Variants in KCNN2 observed in about 807,000 individuals in gnomAD.
The protein encoded by KCNN2 is potassium calcium-activated channel subfamily N member 2, also known as small conductance calcium-activated potassium channel protein 2.
In KCNN2, 24 loss-of-function variants were observed where a neutral mutation model predicts 55.5. The ratio of observed to expected loss-of-function variants is 0.43; its 90% CI spans 0.31 to 0.61. The LOEUF (loss-of-function observed/expected upper bound fraction) is 0.61. KCNN2 is among the 20% of genes least tolerant of loss of function. The pLI, the probability that KCNN2 is intolerant of heterozygous loss-of-function variation, is 0.08. For missense variants in KCNN2, 754 were observed against 853.6 expected, an observed-to-expected ratio of 0.88 and a Z score of 1.45; for synonymous variants, 431 against 336.1, an observed-to-expected ratio of 1.28 and a Z score of -3.09.
At chr5:114,286,600 C>T (rs1755759700) in intron 2 of KCNN2, among the ~76,000 whole-genome samples, 1 of 151,970 alleles carries the variant, frequency 6.6e-6, no homozygotes, top group Non-Finnish European at 1.5e-5. Context: ...ATCATAAAGG[C>T]CTAAACCACA....
At position 114,195,270 on chromosome 5, in the gene KCNN2, G is replaced by T. The variant is rs567988559; in HGVS notation, c.-270-26210G>T. ...TAGAGATTGATTGACTTTGTAAATC[G>T]ATTTGAGTAGTATTGCCAACTGAAC... is the stretch of plus-strand genomic sequence containing the variant. On this transcript the variant is annotated intron_variant, in intron 1 of 10. Transcript: ENST00000512097. Among the ~76,000 whole-genome samples, 6 of 150,614 alleles carry T rather than the reference G, an allele frequency of 4.0e-5. No homozygotes were observed. The South Asian group carries it at 8.4e-4, about 21-fold the overall frequency.
Position 114,069,035 on chromosome 5 carries a change from G to A in KCNN2, c.-271+12535G>A, listed in dbSNP as rs954760329. On this transcript the variant is annotated intron_variant, in intron 1 of 10. Transcript: ENST00000512097. ...TCACTACGTTGTACAGGCTGGCCTC[G>A]AACTCCTGACCCCAAGTGATCTGCC... Among the ~76,000 whole-genome samples the A allele has an allele frequency of 1.2e-4, 19 of 152,190 alleles. 1 individual carries two copies. The highest frequency in any genetic ancestry group is 3.4e-3 in the Middle Eastern group (1 of 294).
intron 2 of KCNN2, among the ~76,000 whole-genome samples, chr5:114,373,252 G>T (rs1757819600): frequency 6.6e-6 from 1 of 151,924 alleles, no homozygotes; most frequent in Admixed American, 6.6e-5. Flanking sequence ...AATTCTACAT[G>T]ATCTTGGTTT....
chr5:114,229,277 C>T (rs1397809007), intron 2 of KCNN2, among the ~76,000 whole-genome samples: 1 of 151,444 alleles, frequency 6.6e-6, no homozygotes, highest in Non-Finnish European at 1.5e-5. Flanking sequence ...TTATTATCTA[C>T]TAAGATCCCT....
chr5:114,072,632 A>C (rs1347712250), intron 1 of KCNN2, among the ~76,000 whole-genome samples: 1 of 152,180 alleles, frequency 6.6e-6, no homozygotes, highest in Non-Finnish European at 1.5e-5. Flanking sequence ...CTGTTATAGC[A>C]ACACAGAACA....
chr5:114,257,883 A>C (rs1755014737), intron 2 of KCNN2, among the ~76,000 whole-genome samples: 1 of 152,140 alleles, frequency 6.6e-6, no homozygotes, highest in Non-Finnish European at 1.5e-5. Flanking sequence ...TACTCTGTTG[A>C]ATAGGAGTGG....
At chr5:114,428,123 A>T (rs1004238794) in intron 3 of KCNN2, among the ~76,000 whole-genome samples, 3 of 152,170 alleles carry the variant, frequency 2.0e-5, no homozygotes, top group Non-Finnish European at 4.4e-5. Context: ...TCCTCTGTTT[A>T]TATCTTTCAT....
chr5:114,310,764 C>T (rs1378345016), intron 2 of KCNN2, among the ~76,000 whole-genome samples: 1 of 152,060 alleles, frequency 6.6e-6, no homozygotes, highest in African/African-American at 2.4e-5. Context: ...GTGTATTAAG[C>T]ACAGTTGGAA....
At chr5:114,150,910 A>G (rs1752507893) in intron 1 of KCNN2, among the ~76,000 whole-genome samples, 1 of 152,090 alleles carries the variant, frequency 6.6e-6, no homozygotes, top group African/African-American at 2.4e-5. Flanking sequence ...AATCCCAGCT[A>G]CTCAGGAGGA....
Position 114,147,407 on chromosome 5 carries a change from C to T in KCNN2, c.-270-74073C>T, listed in dbSNP as rs541843538. ...GCCGGAAATTTTAGTGATACGTTGACGTCCTAACCCAATTGAAGTGACCAT... is the reference window on the plus strand; with the variant it reads ...GCCGGAAATTTTAGTGATACGTTGATGTCCTAACCCAATTGAAGTGACCAT... On this transcript the variant is annotated intron_variant, in intron 1 of 10. Coordinates refer to the KCNN2 transcript ENST00000512097. Among the ~76,000 whole-genome samples, 47 of 152,260 alleles carry T rather than the reference C, an allele frequency of 3.1e-4. 2 individuals carry two copies. In the South Asian group the frequency reaches 8.7e-3, roughly 28 times the overall value.
chr5:114,412,974 G>A, intron 3 of KCNN2, among the ~76,000 whole-genome samples: 1 of 152,266 alleles, frequency 6.6e-6, no homozygotes, highest in African/African-American at 2.4e-5. Flanking sequence ...GTAATTTGTG[G>A]TTGATGGCAA....
intron 2 of KCNN2, among the ~76,000 whole-genome samples, chr5:114,298,069 C>A (rs1756066500): frequency 1.3e-5 from 2 of 152,140 alleles, no homozygotes; most frequent in Non-Finnish European, 2.9e-5. Context: ...ATGTCAATTG[C>A]TTAAAAGGTA....
Position 114,182,762 on chromosome 5 carries a change from T to G in KCNN2, c.-270-38718T>G, listed in dbSNP as rs536412032. On this transcript the variant is annotated intron_variant, in intron 1 of 10. Transcript: ENST00000512097. ...GCTAAATTCATCAATTGGTTTCTAG[T>G]TTTTATATTCTATAGATTTTTCTAT... Among the ~76,000 whole-genome samples the G allele has an allele frequency of 5.3e-5, 8 of 152,258 alleles. No individual in the cohort carries two copies. The East Asian group carries it at 1.2e-3, about 22-fold the overall frequency.
At chr5:114,072,250 C>T (rs1750588406) in intron 1 of KCNN2, among the ~76,000 whole-genome samples, 2 of 151,948 alleles carry the variant, frequency 1.3e-5, no homozygotes, top group African/African-American at 4.8e-5. Flanking sequence ...CAAGATCACG[C>T]CATTGCACTC....
intron 1 of KCNN2, among the ~76,000 whole-genome samples, chr5:114,203,789 A>G (rs963814388): frequency 6.6e-6 from 1 of 152,208 alleles, no homozygotes; most frequent in Non-Finnish European, 1.5e-5. Flanking sequence ...TGATTTTCCC[A>G]GTGCTTCCTT....
intron 2 of KCNN2, among the ~76,000 whole-genome samples, chr5:114,279,871 C>T (rs946069923): frequency 5.3e-5 from 8 of 152,144 alleles, no homozygotes; most frequent in Admixed American, 4.6e-4. Flanking sequence ...CGAGGAATTG[C>T]CATACTGTCT....
intron 1 of KCNN2, among the ~76,000 whole-genome samples, chr5:114,138,523 G>T (rs973330014): frequency 6.6e-6 from 1 of 152,154 alleles, no homozygotes; most frequent in African/African-American, 2.4e-5. Flanking sequence ...GGAGATCACA[G>T]ATTTAGAAAC....
chr5:114,264,435 A>G (rs1025809909), intron 2 of KCNN2, among the ~76,000 whole-genome samples: 1 of 152,210 alleles, frequency 6.6e-6, no homozygotes, highest in African/African-American at 2.4e-5. Flanking sequence ...GTCATGAAAT[A>G]TAAATTAAAA....
At chr5:114,147,302 CTG>C (rs56068909) in intron 1 of KCNN2, among the ~76,000 whole-genome samples, 132,307 of 151,986 alleles carry the variant, frequency 0.87, 57,729 homozygotes, top group East Asian at 0.94. Flanking sequence ...CCAGATTAGT[CTG>C]TGCCAGCACA....
Sources: gnomAD v4.1 joint callset for allele counts (sites outside exome capture counted in the v4.1 genomes callset) on GRCh38, gnomAD v4.1.1 for gene constraint, MANE v1.5 for transcripts, NCBI Gene and HGNC (gene_info 2026-07-23, HGNC 2026-07-21) for gene names.